The following EXOC4 variants were observed in gnomAD, a reference collection of about 807,000 sequenced individuals.
EXOC4 encodes the protein exocyst complex component 4, also known as SEC8-like 1.
Under a neutral mutation model 107.2 loss-of-function variants are expected in EXOC4, and 71 were observed. The observed-to-expected ratio is 0.66, with a 90% confidence interval of 0.55 to 0.81. The LOEUF (loss-of-function observed/expected upper bound fraction) is 0.81. Ranked by LOEUF, EXOC4 falls within the 30% of genes least tolerant of loss-of-function variation. EXOC4 has a pLI of 0.00. For missense variants in EXOC4, 1,108 were observed against 1,189.6 expected (o/e 0.93, Z 1.01); for synonymous variants, 456 against 441.2 (o/e 1.03, Z -0.42).
chr7:133,576,735 A>G (rs1460233662), intron 9 of EXOC4: 6 of 1,289,682 alleles, frequency 4.7e-6, no homozygotes, highest in Non-Finnish European at 6.1e-6. Context: ...GATAGAGGAT[A>G]TTGGTCTACA....
chr7:133,683,790 T>C (rs1268887720), intron 10 of EXOC4, among the ~76,000 whole-genome samples: 1 of 152,126 alleles, frequency 6.6e-6, no homozygotes, highest in Non-Finnish European at 1.5e-5. Flanking sequence ...AAATTGCCAC[T>C]TTTAACATGG....
At chr7:133,691,711 A>G (rs1022981417) in intron 10 of EXOC4, among the ~76,000 whole-genome samples, 1 of 152,184 alleles carries the variant, frequency 6.6e-6, no homozygotes, top group Non-Finnish European at 1.5e-5. Flanking sequence ...ACCAGGGAGT[A>G]ATACAATAAA....
At chr7:133,600,212 T>A (rs1801775444) in intron 9 of EXOC4, among the ~76,000 whole-genome samples, 1 of 152,096 alleles carries the variant, frequency 6.6e-6, no homozygotes, top group Non-Finnish European at 1.5e-5. Flanking sequence ...ACTTTTGAGG[T>A]CTTTGAATGT....
chr7:133,953,773 A>G (rs1322476932), intron 14 of EXOC4, among the ~76,000 whole-genome samples: 1 of 152,238 alleles, frequency 6.6e-6, no homozygotes, highest in Non-Finnish European at 1.5e-5. Flanking sequence ...TCAGCTGTTT[A>G]CAATGTTGGC....
chr7:133,910,563 G>A (rs7792492), intron 12 of EXOC4, among the ~76,000 whole-genome samples: 71,003 of 151,986 alleles, frequency 0.47, 17,886 homozygotes, highest in African/African-American at 0.65. Context: ...TTTCCTATGT[G>A]TGTTGCTCCA....
At chr7:133,767,072 A>C (rs892042615) in intron 10 of EXOC4, among the ~76,000 whole-genome samples, 6 of 151,856 alleles carry the variant, frequency 4.0e-5, no homozygotes, top group African/African-American at 7.3e-5. Context: ...TTTTGCATGC[A>C]TACTTGCATC....
intron 9 of EXOC4, among the ~76,000 whole-genome samples, chr7:133,596,033 G>A (rs914575330): frequency 6.6e-6 from 1 of 152,102 alleles, no homozygotes; most frequent in South Asian, 2.1e-4. Context: ...GCTCCAACAT[G>A]CTATCTTTGT....
chr7:133,924,341 C>G (rs1263092721), intron 13 of EXOC4, among the ~76,000 whole-genome samples: 1 of 152,078 alleles, frequency 6.6e-6, no homozygotes, highest in Non-Finnish European at 1.5e-5. Context: ...TGTGTAACTC[C>G]TTAATTGTAT....
At chr7:133,865,629 G>A (rs1243557471) in intron 11 of EXOC4, among the ~76,000 whole-genome samples, 2 of 152,192 alleles carry the variant, frequency 1.3e-5, no homozygotes, top group Non-Finnish European at 2.9e-5. Flanking sequence ...TCCATAGGCT[G>A]TACAGGAAGC....
chr7:134,044,379 C>T (rs1040607942), intron 17 of EXOC4, among the ~76,000 whole-genome samples: 6 of 152,170 alleles, frequency 3.9e-5, no homozygotes, highest in African/African-American at 1.4e-4. Flanking sequence ...GGAAATGGAA[C>T]CTCTGCTGCG....
chr7:133,331,617 C>T (rs1007462539), intron 5 of EXOC4, among the ~76,000 whole-genome samples: 11 of 152,036 alleles, frequency 7.2e-5, no homozygotes, highest in Admixed American at 4.6e-4. Context: ...AGGCGCCCGC[C>T]ACCTCGCCCG....
At chr7:133,869,224 A>T (rs6954472) in intron 11 of EXOC4, among the ~76,000 whole-genome samples, 1 of 151,624 alleles carries the variant, frequency 6.6e-6, no homozygotes, top group African/African-American at 2.4e-5. Flanking sequence ...CTCAAACTAG[A>T]TCAACCAGAT....
chr7:133,674,511 C>T (rs1794014265), intron 10 of EXOC4, among the ~76,000 whole-genome samples: 2 of 151,970 alleles, frequency 1.3e-5, no homozygotes, highest in South Asian at 2.1e-4. Flanking sequence ...TGTGTTTAAC[C>T]TCATGATTCA....
chr7:133,663,982 A>G (rs149424166), intron 10 of EXOC4, among the ~76,000 whole-genome samples: 45 of 152,164 alleles, frequency 3.0e-4, no homozygotes, highest in African/African-American at 9.6e-4. Flanking sequence ...ATTTTCTACA[A>G]TCTTCTCTGT....
chr7:133,616,891 A>G (rs1037438946), intron 9 of EXOC4, among the ~76,000 whole-genome samples: 1 of 152,146 alleles, frequency 6.6e-6, no homozygotes, highest in Non-Finnish European at 1.5e-5. Flanking sequence ...TGGACAGAAT[A>G]TATTGTAAAG....
chr7:133,973,181 G>A (rs184623070), intron 14 of EXOC4, among the ~76,000 whole-genome samples: 43 of 152,248 alleles, frequency 2.8e-4, no homozygotes, highest in African/African-American at 9.1e-4. Context: ...TTTAAAAGTC[G>A]TGGAAAATAC....
intron 7 of EXOC4, among the ~76,000 whole-genome samples, chr7:133,391,579 G>C (rs1267432130): frequency 6.6e-6 from 1 of 152,170 alleles, no homozygotes; most frequent in East Asian, 1.9e-4. Flanking sequence ...GATGAGACAA[G>C]TTTTAGAAGT....
chr7:133,869,704 A>C (rs1798712533), intron 11 of EXOC4, among the ~76,000 whole-genome samples: 1 of 147,610 alleles, frequency 6.8e-6, no homozygotes, highest in African/African-American at 2.7e-5. Flanking sequence ...AACTGGAATC[A>C]TGTGGCAGGA....
chr7:133,793,673 C>T (rs1156765366), intron 10 of EXOC4, among the ~76,000 whole-genome samples: 1 of 151,958 alleles, frequency 6.6e-6, no homozygotes, highest in Non-Finnish European at 1.5e-5. Context: ...GGTGAAACCC[C>T]ATCTCTACTA....
Sources: gnomAD v4.1 joint callset for allele counts (sites outside exome capture counted in the v4.1 genomes callset) on GRCh38, gnomAD v4.1.1 for gene constraint, MANE v1.5 for transcripts, NCBI Gene and HGNC (gene_info 2026-07-23, HGNC 2026-07-21) for gene names.